Variants in POLR2F observed in about 807,000 individuals in gnomAD.
POLR2F encodes RNA polymerase II, I and III subunit F.
Under a neutral mutation model 22.7 loss-of-function variants are expected in POLR2F, and 12 were observed. The observed-to-expected ratio is 0.53, with a 90% CI of 0.34 to 0.86. The LOEUF is 0.86. Ranked by LOEUF, POLR2F falls within the 40% of genes least tolerant of loss-of-function variation. POLR2F has a pLI of 0.02. For missense variants in POLR2F, 126 were observed against 171.5 expected (o/e 0.73, Z 1.48); for synonymous variants, 57 against 66.0 (o/e 0.86, Z 0.66).
chr22:37,988,622 G>C (rs1274382305), intron 1 of POLR2F, among the ~76,000 whole-genome samples: 1 of 152,148 alleles, frequency 6.6e-6, no homozygotes, highest in Non-Finnish European at 1.5e-5. Flanking sequence ...CTGCACTGCA[G>C]CCTGGGTGAC....
intron 1 of POLR2F, among the ~76,000 whole-genome samples, chr22:37,955,768 C>T (rs554803778): frequency 2.0e-5 from 3 of 151,862 alleles, no homozygotes; most frequent in Non-Finnish European, 2.9e-5. Flanking sequence ...GTGCACCCTC[C>T]GCCTCTCGGG....
At chr22:38,023,702 T>A (rs2084980529) in intron 1 of POLR2F, among the ~76,000 whole-genome samples, 1 of 152,134 alleles carries the variant, frequency 6.6e-6, no homozygotes, top group Admixed American at 6.6e-5. Context: ...GGATGGAGTC[T>A]GGCTCTGTCA....
chr22:38,035,008 C>T (rs1241013721), intron 5 of POLR2F, among the ~76,000 whole-genome samples: 1 of 152,020 alleles, frequency 6.6e-6, no homozygotes, highest in African/African-American at 2.4e-5. Flanking sequence ...TGTGCTGGTC[C>T]TTCCACCTAA....
downstream of POLR2F, chr22:38,041,798 CTG>C (rs2085174756): frequency 6.6e-6 from 1 of 152,234 alleles, no homozygotes; most frequent in East Asian, 1.9e-4. Context: ...TCTAAAATGA[CTG>C]TGAAAATATT....
intron 1 of POLR2F, among the ~76,000 whole-genome samples, chr22:37,954,541 T>C (rs1205945236): frequency 2.0e-5 from 3 of 152,124 alleles, no homozygotes; most frequent in Admixed American, 2.0e-4. Flanking sequence ...GAGCTTGTGA[T>C]CCACCCGCCT....
rs569720384 is a variant in POLR2F at position 37,997,849 on chromosome 22, G to A, written c.120+11537G>A. ...CCGTCTGTCGAGGGGGGACAGGCAGGAGGTAAGGATGCGTCCGAGCCTCCC... is the reference window on the plus strand; with the variant it reads ...CCGTCTGTCGAGGGGGGACAGGCAGAAGGTAAGGATGCGTCCGAGCCTCCC... On this transcript the variant is annotated intron_variant, in intron 1 of 2. Coordinates refer to the POLR2F transcript ENST00000333418. This position sits in a 1 kb window ranked among gnomAD's most constrained non-coding sequence, Gnocchi z 4.4. Among the ~76,000 whole-genome samples the A allele has an allele frequency of 6.6e-6, 1 of 152,296 alleles. No homozygotes were observed. Among genetic ancestry groups the A allele is most frequent in the Non-Finnish European group, 1.5e-5 (1 of 68,018 alleles).
chr22:37,982,485 C>T (rs540989238), upstream of POLR2F, among the ~76,000 whole-genome samples: 11 of 152,222 alleles, frequency 7.2e-5, no homozygotes, highest in South Asian at 4.1e-4. Context: ...TTGCTCCCTG[C>T]GGGGGATGTT....
intron 1 of POLR2F, among the ~76,000 whole-genome samples, chr22:37,988,565 C>T (rs944584513): frequency 3.3e-5 from 5 of 151,934 alleles, no homozygotes; most frequent in African/African-American, 1.2e-4. Flanking sequence ...GCAGGAGAAT[C>T]ACTTGAACTC....
intron 1 of POLR2F, among the ~76,000 whole-genome samples, chr22:37,955,342 C>T (rs1055443458): frequency 1.3e-5 from 2 of 151,400 alleles, no homozygotes; most frequent in African/African-American, 4.9e-5. Flanking sequence ...AGTTCGAGAC[C>T]AGCCTGGTCA....
intron 1 of POLR2F, among the ~76,000 whole-genome samples, chr22:37,955,965 G>A (rs900779969): frequency 2.6e-5 from 4 of 151,564 alleles, no homozygotes; most frequent in African/African-American, 7.3e-5. Context: ...GATTACAGAC[G>A]TGAGCCACTG....
intron 1 of POLR2F, among the ~76,000 whole-genome samples, chr22:38,022,518 T>A (rs1283767466): frequency 7.6e-6 from 1 of 130,876 alleles, no homozygotes; most frequent in Non-Finnish European, 1.5e-5. Flanking sequence ...GTCACTGCAC[T>A]CCAGCCTGGG....
At chr22:38,002,840 C>T (rs1478831216) in intron 1 of POLR2F, among the ~76,000 whole-genome samples, 2 of 151,702 alleles carry the variant, frequency 1.3e-5, no homozygotes, top group Non-Finnish European at 2.9e-5. Context: ...ATTCTCCTGC[C>T]TCAGCCTCCC....
At chr22:37,988,641 ACT>A (rs535306065) in intron 1 of POLR2F, among the ~76,000 whole-genome samples, 7 of 152,074 alleles carry the variant, frequency 4.6e-5, no homozygotes. Context: ...ACAGAGTAAG[ACT>A]CTGTCTCATA....
Position 37,990,163 on chromosome 22 carries a change from C to T in POLR2F, c.120+3851C>T, listed in dbSNP as rs138930571. Among the ~76,000 whole-genome samples the T allele has an allele frequency of 5.9e-3, 897 of 152,276 alleles. 8 individuals carry two copies. Among genetic ancestry groups the T allele is most frequent in the African/African-American group, 0.021 (875 of 41,550 alleles). On this transcript the variant is annotated intron_variant, in intron 1 of 2. Transcript: ENST00000333418. ...GAGGAAAAGACCAGGGAGGCTGGAG[C>T]GGGCAGGAGTGGCTTCCTGGAGGCA...
At chr22:38,000,190 G>A (rs932877086) in intron 1 of POLR2F, among the ~76,000 whole-genome samples, 2 of 152,206 alleles carry the variant, frequency 1.3e-5, no homozygotes, top group Non-Finnish European at 2.9e-5. Context: ...TCCTCCCCTG[G>A]GAGTTGGCCA....
Position 37,969,063 on chromosome 22 carries a change from C to G in POLR2F, c.*1348C>G. The G allele has an allele frequency of 2.0e-6, 2 of 985,414 alleles. No homozygotes were observed. The highest frequency in any genetic ancestry group is 2.4e-6 in the Non-Finnish European group (2 of 829,966). 61.0% of individuals were successfully genotyped at this position (985,414 alleles called of 1,614,324 possible). A position where few individuals can be genotyped will look rare whatever the true frequency, so the allele number is the denominator to read the frequency against. ...GGGTCACTTTCTCGGCCCCATTTCT[C>G]TAAATGGTCTCTTTGTTCCCTGCTG... On this transcript the variant is annotated 3_prime_UTR_variant, in exon 5 of 5. Transcript: ENST00000442738.
chr22:37,974,281 C>T (rs1474238194), downstream of POLR2F: 2 of 1,038,660 alleles, frequency 1.9e-6, no homozygotes, highest in Non-Finnish European at 2.9e-6. This position sits in a 1 kb window ranked among gnomAD's most constrained non-coding sequence, Gnocchi z 5.4. Flanking sequence ...TTCCATGGTT[C>T]ACCTTCAGGC....
intron 1 of POLR2F, among the ~76,000 whole-genome samples, chr22:38,022,140 A>T (rs1012928656): frequency 1.3e-5 from 2 of 151,504 alleles, no homozygotes; most frequent in Non-Finnish European, 2.9e-5. Context: ...AAAAAAAAAA[A>T]AAAATTCATT....
intron 5 of POLR2F, among the ~76,000 whole-genome samples, chr22:38,036,745 C>A (rs2085119854): frequency 6.6e-6 from 1 of 151,940 alleles, no homozygotes; most frequent in Admixed American, 6.6e-5. Context: ...CCCCAACGGG[C>A]CCCTCATGCC....
Sources: allele counts gnomAD v4.1 joint callset (sites outside exome capture counted in the v4.1 genomes callset), GRCh38; gene constraint gnomAD v4.1.1; non-coding constraint Gnocchi (gnomAD v3.1); transcripts MANE v1.5; gene names NCBI Gene and HGNC (gene_info 2026-07-23, HGNC 2026-07-21).